KLHL5: variants seen among roughly 807,000 people sequenced by gnomAD.
KLHL5 encodes the protein kelch-like protein 5.
KLHL5 carries 48 observed loss-of-function variants against 77.7 expected under a neutral mutation model. The observed-to-expected ratio is 0.62, with a 90% CI of 0.49 to 0.79. The LOEUF (loss-of-function observed/expected upper bound fraction) is 0.79. Ranked by LOEUF, KLHL5 falls within the 30% of genes least tolerant of loss-of-function variation. The probability of loss-of-function intolerance (pLI) is 0.00; values close to 1 mark genes in which losing one functional copy is unlikely to be tolerated. For synonymous variants in KLHL5, 260 were observed against 297.0 expected, an observed-to-expected ratio of 0.88 and a Z score of 1.28; for missense variants, 723 against 859.7, an observed-to-expected ratio of 0.84 and a Z score of 1.99.
the KLHL5 span, among the ~76,000 whole-genome samples, chr4:39,137,323 GTCTTGGCT>G: frequency 1.3e-5 from 2 of 148,320 alleles, no homozygotes; most frequent in Non-Finnish European, 3.0e-5. Flanking sequence ...TCATGTCCAG[GTCTTGGCT>G]TCTAAATACC....
chr4:39,078,237 T>G (rs1428379436), intron 2 of KLHL5, among the ~76,000 whole-genome samples: 2 of 148,006 alleles, frequency 1.4e-5, no homozygotes, highest in Non-Finnish European at 2.9e-5. Context: ...AATACAAAAA[T>G]TAGCCCGGTG....
chr4:39,114,749 A>T (rs1023374148), intron 9 of KLHL5, among the ~76,000 whole-genome samples: 1 of 152,226 alleles, frequency 6.6e-6, no homozygotes, highest in Admixed American at 6.5e-5. Context: ...AGCATGATGT[A>T]TCTGCTCTTA....
chr4:39,096,636 G>A, intron 5 of KLHL5, 56 bp from the exon 6 acceptor site: 3 of 1,246,604 alleles, frequency 2.4e-6, no homozygotes, highest in Non-Finnish European at 3.3e-6. Flanking sequence ...ATTTTTTTCT[G>A]TAAACCCTAC....
intron 8 of KLHL5, 24 bp downstream of exon 8, chr4:39,107,755 T>C: frequency 6.4e-7 from 1 of 1,553,320 alleles, no homozygotes; most frequent in Non-Finnish European, 8.8e-7. Flanking sequence ...TAAAGTTCCA[T>C]TTAAAATGCA....
At chr4:39,067,674 CTTT>C (rs11356460) in intron 1 of KLHL5, among the ~76,000 whole-genome samples, 44 of 132,720 alleles carry the variant, frequency 3.3e-4, no homozygotes, top group Non-Finnish European at 4.2e-4. Context: ...ACCCATAACT[CTTT>C]TTTTTTTTTT....
intron 1 of KLHL5, among the ~76,000 whole-genome samples, chr4:39,068,659 C>T (rs886826086): frequency 1.3e-5 from 2 of 152,140 alleles, no homozygotes; most frequent in African/African-American, 2.4e-5. Flanking sequence ...AAGGATAGGT[C>T]CTACAGTTAC....
chr4:39,107,282 A>G (rs930003245), intron 7 of KLHL5, among the ~76,000 whole-genome samples: 2 of 152,000 alleles, frequency 1.3e-5, no homozygotes, highest in African/African-American at 4.8e-5. Flanking sequence ...TCCTGACCTC[A>G]AGTGATCCTC....
In KLHL5 at chr4:39,076,203, T is replaced by A. The variant is rs533369637; in HGVS notation, c.566+56T>A. The A allele has an allele frequency of 6.1e-6, 9 of 1,487,268 alleles. No individual in the cohort carries two copies. The Admixed American group carries it at 8.6e-5, about 14-fold the overall frequency. The allele number at this position is 1,487,268 out of a possible 1,614,324, so 92.1% of individuals were successfully genotyped here. A position where few individuals can be genotyped will look rare whatever the true frequency, so the allele number is the denominator to read the frequency against. ...AAATATTTCCTCGGTAATTTAGATA[T>A]GTATATTGAGGTAACCTACTTCAAT... On this transcript the variant is annotated intron_variant, in intron 2 of 10. Coordinates refer to ENST00000504108, the MANE Select transcript of KLHL5 (RefSeq NM_015990.5).
chr4:39,044,926 C>T (rs2110092869), upstream of KLHL5: 1 of 980,544 alleles, frequency 1.0e-6, no homozygotes, highest in East Asian at 1.2e-4. Flanking sequence ...GGGAGTGGCT[C>T]GCTCCGGGCC....
chr4:39,141,454 G>A, the KLHL5 span, among the ~76,000 whole-genome samples: 9 of 151,814 alleles, frequency 5.9e-5, no homozygotes, highest in East Asian at 1.4e-3. Context: ...GACTACAGGC[G>A]CCCGCCACCA....
chr4:39,057,704 C>T (rs1340837962), upstream of KLHL5, among the ~76,000 whole-genome samples: 1 of 152,020 alleles, frequency 6.6e-6, no homozygotes, highest in East Asian at 1.9e-4. Context: ...GTGAGAGCTG[C>T]TGGGTTAGTA....
downstream of KLHL5, among the ~76,000 whole-genome samples, chr4:39,128,895 G>T (rs1005990495): frequency 6.6e-6 from 1 of 152,172 alleles, no homozygotes; most frequent in African/African-American, 2.4e-5. Flanking sequence ...GAGCCTGGGA[G>T]GCCAAGGCTG....
intron 5 of KLHL5, among the ~76,000 whole-genome samples, chr4:39,091,012 G>T (rs1157050577): frequency 7.3e-6 from 1 of 136,450 alleles, no homozygotes; most frequent in African/African-American, 2.8e-5. Context: ...TTTTAAGACA[G>T]AGTCTCACTC....
chr4:39,046,660 C>T (rs1359235272), intron 1 of KLHL5, among the ~76,000 whole-genome samples: 1 of 152,112 alleles, frequency 6.6e-6, no homozygotes, highest in Admixed American at 6.5e-5. Context: ...CTGCCCTAAC[C>T]AAGGCGTTTT....
intron 10 of KLHL5, among the ~76,000 whole-genome samples, chr4:39,119,891 C>A (rs568274519): frequency 7.5e-4 from 114 of 151,238 alleles, no homozygotes; most frequent in African/African-American, 2.6e-3. Flanking sequence ...GAGGTCAGTT[C>A]GATAATGCTA....
At chr4:39,105,529 C>T (rs537066062) in intron 7 of KLHL5, among the ~76,000 whole-genome samples, 1 of 151,496 alleles carries the variant, frequency 6.6e-6, no homozygotes, top group Admixed American at 6.6e-5. Context: ...ACATATTATG[C>T]ATTACATATA....
the KLHL5 span, among the ~76,000 whole-genome samples, chr4:39,141,755 T>C: frequency 1.3e-5 from 2 of 151,428 alleles, no homozygotes; most frequent in African/African-American, 4.9e-5. Context: ...CTGGGCAACA[T>C]AGCAAGACAC....
chr4:39,046,098 C>T (rs1716167220), intron 1 of KLHL5, among the ~76,000 whole-genome samples: 1 of 149,224 alleles, frequency 6.7e-6, no homozygotes, highest in Non-Finnish European at 1.5e-5. Flanking sequence ...ATGTGTATGT[C>T]CTATTGGCTT....
chr4:39,071,011 G>A (rs955943986), intron 1 of KLHL5, among the ~76,000 whole-genome samples: 2 of 151,888 alleles, frequency 1.3e-5, no homozygotes, highest in Non-Finnish European at 2.9e-5. Context: ...TGGAGTAATG[G>A]TTAAAAATAT....
Sources: allele counts gnomAD v4.1 joint callset (sites outside exome capture counted in the v4.1 genomes callset), GRCh38; gene constraint gnomAD v4.1.1; transcripts MANE v1.5; gene names NCBI Gene and HGNC (gene_info 2026-07-23, HGNC 2026-07-21).